Variants in PRR5 observed in about 807,000 individuals in gnomAD.
PRR5 encodes the protein proline-rich protein 5.
In PRR5, 25 loss-of-function variants were observed where a neutral mutation model predicts 30.6. The ratio of observed to expected loss-of-function variants is 0.82; its 90% CI spans 0.60 to 1.14. The LOEUF is 1.14. PRR5 is among the 50% of genes most tolerant of loss of function. The pLI is 0.00. For synonymous variants in PRR5, 286 were observed against 247.1 expected (o/e 1.16, Z -1.48); for missense variants, 600 against 547.1 (o/e 1.10, Z -0.96).
At chr22:44,716,195 C>T (rs905647929) in intron 2 of PRR5, among the ~76,000 whole-genome samples, 1 of 152,182 alleles carries the variant, frequency 6.6e-6, no homozygotes, top group Admixed American at 6.5e-5. Context: ...CCTCGTCAGC[C>T]CCAGGATTCT....
upstream of PRR5, among the ~76,000 whole-genome samples, chr22:44,674,021 C>G (rs533972856): frequency 6.6e-6 from 1 of 152,344 alleles, no homozygotes; most frequent in East Asian, 1.9e-4. Context: ...GGCTCTGATT[C>G]TGCCTGCAGC....
At chr22:44,728,928 G>A (rs1921371532) in intron 4 of PRR5, among the ~76,000 whole-genome samples, 1 of 152,182 alleles carries the variant, frequency 6.6e-6, no homozygotes, top group African/African-American at 2.4e-5. Flanking sequence ...GAGGTGGAGG[G>A]CTGCCTCCCT....
chr22:44,682,072 A>C (rs1189874413), intron 1 of PRR5, among the ~76,000 whole-genome samples: 1 of 152,172 alleles, frequency 6.6e-6, no homozygotes, highest in Admixed American at 6.5e-5. Flanking sequence ...TGGCCCACTG[A>C]GTTACAAGGG....
At chr22:44,732,863 CAT>C (rs1922382975) in intron 6 of PRR5, among the ~76,000 whole-genome samples, 1 of 129,900 alleles carries the variant, frequency 7.7e-6, no homozygotes, top group African/African-American at 3.0e-5. Context: ...TGCACACGCA[CAT>C]ACTACACACT....
At chr22:44,726,752 G>A (rs1920963598) in intron 4 of PRR5, 118 bp downstream of exon 4, 5 of 1,479,952 alleles carry the variant, frequency 3.4e-6, no homozygotes, top group East Asian at 4.7e-5. Flanking sequence ...TGGTCCGGAG[G>A]GCTTGGAAGG....
At chr22:44,726,425 C>A in intron 3 of PRR5, 152 bp from the exon 4 acceptor site, 1 of 1,144,400 alleles carries the variant, frequency 8.7e-7, no homozygotes, top group Non-Finnish European at 1.2e-6. Context: ...ATGCTCAGGC[C>A]CTGCAGCAGG....
upstream of PRR5, among the ~76,000 whole-genome samples, chr22:44,676,092 C>CA (rs762366071): frequency 3.6e-4 from 54 of 151,658 alleles, 2 homozygotes; most frequent in East Asian, 5.8e-3. Context: ...AAATCAAAAA[C>CA]AAAAAAGAAG....
At chr22:44,669,637 A>G (rs1391666403) in intron 1 of PRR5, among the ~76,000 whole-genome samples, 1 of 152,174 alleles carries the variant, frequency 6.6e-6, no homozygotes, top group Non-Finnish European at 1.5e-5. Context: ...CACCAGAGCC[A>G]AGGTAGAAGG....
upstream of PRR5, among the ~76,000 whole-genome samples, chr22:44,702,000 G>A (rs1926352307): frequency 6.6e-6 from 1 of 152,144 alleles, no homozygotes; most frequent in Non-Finnish European, 1.5e-5. Flanking sequence ...GCCCTCGGAA[G>A]AGGGGAGGAG....
At chr22:44,684,330 G>A (rs1181907246) in intron 1 of PRR5, among the ~76,000 whole-genome samples, 4 of 152,186 alleles carry the variant, frequency 2.6e-5, no homozygotes, top group Non-Finnish European at 5.9e-5. Context: ...ATCACCTGAG[G>A]TCAGGAGTTC....
Position 44,702,386 on chromosome 22 carries a change from C to T in PRR5, c.-89C>T. On this transcript the variant is annotated 5_prime_UTR_variant, in exon 1 of 8. Transcript: ENST00000336985. The stretch of plus-strand genomic sequence containing the variant: ...CTCGCCGGAGTTTCCGCGTAGAGGG[C>T]GCATCGCCGGCCCGGGGCCCTTGGT... 1 of 1,206,690 alleles carries T rather than the reference C, an allele frequency of 8.3e-7. No homozygotes were observed. The highest frequency in any genetic ancestry group is 1.0e-6 in the Non-Finnish European group (1 of 969,528). The allele number at this position is 1,206,690 out of a possible 1,614,324, so 74.7% of individuals were successfully genotyped here.
rs1007120295 is a variant in PRR5, at chr22:44,691,267, C to T, written c.-10-11225C>T. ...TGGGGATTCTGAGGTTGGTCCTGGC[C>T]CTGCCCCTCACCAGCCTGTGACCCT... is the stretch of plus-strand genomic sequence containing the variant. On this transcript the variant is annotated intron_variant, in intron 1 of 8. Transcript: ENST00000006251. The surrounding 1 kb of genome is among the most constrained non-coding windows in gnomAD (Gnocchi z 4.4). Among the ~76,000 whole-genome samples, 1 of 152,124 alleles carries T rather than the reference C, an allele frequency of 6.6e-6. No homozygotes were observed. The highest frequency in any genetic ancestry group is 1.5e-5 in the Non-Finnish European group (1 of 68,022).
At chr22:44,720,078 T>A (rs1929700220) in intron 2 of PRR5, among the ~76,000 whole-genome samples, 1 of 152,126 alleles carries the variant, frequency 6.6e-6, no homozygotes, top group Non-Finnish European at 1.5e-5. Context: ...CTCTTCTCCC[T>A]CCCTGGCATG....
At chr22:44,689,171 T>A (rs1046165906) in intron 1 of PRR5, among the ~76,000 whole-genome samples, 2 of 152,206 alleles carry the variant, frequency 1.3e-5, no homozygotes, top group African/African-American at 4.8e-5. Context: ...TTGATCTTCA[T>A]GTGATGAAGA....
intron 7 of PRR5, among the ~76,000 whole-genome samples, chr22:44,735,830 TC>T (rs1460029999): frequency 1.3e-5 from 2 of 152,172 alleles, no homozygotes; most frequent in East Asian, 3.9e-4. Context: ...CCAGAGGGGC[TC>T]CCCGTCCCCA....
intron 3 of PRR5, 46 bp from the exon 4 acceptor site, chr22:44,726,531 C>CG (rs758525230): frequency 1.2e-6 from 2 of 1,613,014 alleles, no homozygotes; most frequent in South Asian, 2.2e-5. Context: ...AGGACACCCC[C>CG]GGGCATCCAC....
chr22:44,728,986 C>T (rs1473162547), intron 4 of PRR5, among the ~76,000 whole-genome samples: 1 of 152,174 alleles, frequency 6.6e-6, no homozygotes, highest in Non-Finnish European at 1.5e-5. Context: ...AGTTTGATGG[C>T]CTGTGTGTGG....
intron 1 of PRR5, among the ~76,000 whole-genome samples, chr22:44,710,849 G>A (rs1450422609): frequency 6.6e-6 from 1 of 152,154 alleles, no homozygotes; most frequent in Admixed American, 6.5e-5. Context: ...GTAGATACAA[G>A]CCTCTCCCTG....
At position 44,671,505 on chromosome 22, in the gene PRR5, A is replaced by G. The variant is rs111292933; in HGVS notation, c.-11+2700A>G. On this transcript the variant is annotated intron_variant, in intron 1 of 8. Coordinates refer to the PRR5 transcript ENST00000432186. ...AGCAGCCCTGGTGCTGCTGCTACCC[A>G]GAGGCTTGGCTGCAGATCCTCAGAC... is the stretch of plus-strand genomic sequence containing the variant. 9.9e-3 allele frequency among the ~76,000 whole-genome samples: 1,511 copies of G among 152,248 alleles called. 23 individuals carry two copies. Among genetic ancestry groups the G allele is most frequent in the African/African-American group, 0.034 (1,427 of 41,550 alleles).
Sources: allele counts gnomAD v4.1 joint callset (sites outside exome capture counted in the v4.1 genomes callset), GRCh38; gene constraint gnomAD v4.1.1; non-coding constraint Gnocchi (gnomAD v3.1); transcripts MANE v1.5; gene names NCBI Gene and HGNC (gene_info 2026-07-23, HGNC 2026-07-21).